Variants in SNX4 observed in about 807,000 individuals in gnomAD.
SNX4 encodes sorting nexin 4.
SNX4 carries 49 observed loss-of-function variants against 70.8 expected under a neutral mutation model. That is an observed-to-expected ratio of 0.69 (90% confidence interval 0.55 to 0.88). The LOEUF (loss-of-function observed/expected upper bound fraction) is 0.88, where lower values mean the gene tolerates loss of function less well. Among genes scored for constraint, SNX4 ranks in the 40% least tolerant of loss-of-function variants. The probability of loss-of-function intolerance (pLI) is 0.00; values close to 1 mark genes in which losing one functional copy is unlikely to be tolerated. For missense variants in SNX4, 528 were observed against 544.8 expected, an observed-to-expected ratio of 0.97 and a Z score of 0.31; for synonymous variants, 206 against 183.8, an observed-to-expected ratio of 1.12 and a Z score of -0.98.
chr3:125,461,179 T>G (rs1048682318), intron 9 of SNX4, among the ~76,000 whole-genome samples: 1 of 152,078 alleles, frequency 6.6e-6, no homozygotes, highest in African/African-American at 2.4e-5. Context: ...TGAGCCAAGA[T>G]CATACCAGTG....
Position 125,486,670 on chromosome 3 carries a change from C to T in SNX4, c.653+2738G>A, listed in dbSNP as rs572290390. ...CTTATATAATCTGGTCAGTTTACCA[C>T]CTAGATTTTGACTTAGTGGGTTTAG... On this transcript the variant is annotated intron_variant, in intron 6 of 13. Coordinates refer to ENST00000251775, the MANE Select transcript of SNX4 (RefSeq NM_003794.4). Among the ~76,000 whole-genome samples, 191 of 152,216 alleles carry T rather than the reference C, an allele frequency of 1.3e-3. 3 individuals carry two copies. Among genetic ancestry groups the T allele is most frequent in the Middle Eastern group, 3.4e-3 (1 of 294 alleles).
intron 1 of SNX4, among the ~76,000 whole-genome samples, chr3:125,510,958 G>A (rs1935158741): frequency 1.3e-5 from 2 of 152,116 alleles, no homozygotes; most frequent in African/African-American, 4.8e-5. Flanking sequence ...CGCTCTTACC[G>A]CCTAGGCTGG....
chr3:125,479,323 G>A (rs766788664), intron 7 of SNX4, among the ~76,000 whole-genome samples: 10 of 152,114 alleles, frequency 6.6e-5, no homozygotes, highest in Admixed American at 2.0e-4. Flanking sequence ...GGAGGCTGAG[G>A]TGGGCAGATC....
intron 6 of SNX4, among the ~76,000 whole-genome samples, chr3:125,488,222 T>C (rs1213320472): frequency 7.4e-6 from 1 of 134,994 alleles, no homozygotes; most frequent in Non-Finnish European, 1.6e-5. Context: ...ACACCTGTAA[T>C]CCCAGAACTT....
intron 6 of SNX4, among the ~76,000 whole-genome samples, chr3:125,488,173 A>T (rs1196805803): frequency 3.9e-5 from 3 of 77,494 alleles, no homozygotes; most frequent in African/African-American, 8.7e-5. Flanking sequence ...ATAGTCTATT[A>T]AAAAAAAAAA....
chr3:125,520,113 C>A lies in SNX4; in HGVS notation c.60G>T (p.Leu20=). ...RQLQPAPLEP[L]GSPDAGLGAA... is the part of the protein sequence containing the mutation. ...CCCCCAGCCCAGCGTCTGGGGAGCC[C>A]AGCGGCTCCAAGGGCGCCGGCTGGA... is the stretch of plus-strand genomic sequence containing the variant. The change falls in exon 1 of 14, where the codon CTG becomes CTT. Residue 20 remains leucine (L), a synonymous_variant. Coordinates refer to ENST00000251775, the MANE Select transcript of SNX4 (RefSeq NM_003794.4). The A allele has an allele frequency of 6.7e-7, 1 of 1,495,146 alleles. No individual in the cohort carries two copies. The highest frequency in any genetic ancestry group is 1.3e-5 in the South Asian group (1 of 77,306). 92.6% of individuals were successfully genotyped at this position (1,495,146 alleles called of 1,614,324 possible).
chr3:125,495,277 T>TATATATATATATATATATACATACAC lies in SNX4; in HGVS notation c.597+2063_597+2064insGTGTATGTATATATATATATATATAT. Among the ~76,000 whole-genome samples, 81 of 99,590 alleles carry TATATATATATATATATATACATACAC rather than the reference T, an allele frequency of 8.1e-4. 2 individuals carry two copies. Among genetic ancestry groups the TATATATATATATATATATACATACAC allele is most frequent in the East Asian group, 7.5e-3 (20 of 2,650 alleles). 65.3% of individuals were successfully genotyped at this position (99,590 alleles called of 152,430 possible). ...ATATATATATATATATATATATATA[T>TATATATATATATATATATACATACAC]ACACATACACACACACACACGTATG... On this transcript the variant is annotated intron_variant, in intron 5 of 13. Transcript: ENST00000251775.
intron 8 of SNX4, among the ~76,000 whole-genome samples, chr3:125,476,489 T>A (rs1263268630): frequency 1.3e-5 from 2 of 151,974 alleles, no homozygotes; most frequent in African/African-American, 2.4e-5. Context: ...GAGAATCACT[T>A]GAGCCCAGGA....
intron 5 of SNX4, 27 bp from the exon 6 acceptor site, chr3:125,489,490 T>C (rs1489261594): frequency 6.4e-7 from 1 of 1,570,534 alleles, no homozygotes; most frequent in Non-Finnish European, 8.8e-7. Flanking sequence ...GTTCACTTAA[T>C]ACAATTACAT....
intron 8 of SNX4, among the ~76,000 whole-genome samples, chr3:125,475,212 CCTA>C (rs1409907510): frequency 2.0e-5 from 3 of 152,104 alleles, no homozygotes; most frequent in African/African-American, 7.2e-5. Context: ...ATATGGATAA[CCTA>C]CTACTCTAAT....
chr3:125,495,248 C>A (rs1302205480), intron 5 of SNX4, among the ~76,000 whole-genome samples: 1 of 14,880 alleles, frequency 6.7e-5, no homozygotes, highest in Non-Finnish European at 2.1e-4. Flanking sequence ...CTCATTCTCT[C>A]TTTATATATA....
At chr3:125,500,660 G>A (rs1024582449) in intron 2 of SNX4, among the ~76,000 whole-genome samples, 2 of 151,718 alleles carry the variant, frequency 1.3e-5, no homozygotes, top group African/African-American at 4.8e-5. Context: ...AAATTACCCA[G>A]GCGTGGTGTT....
chr3:125,454,929 G>T (rs1579971995), intron 11 of SNX4, among the ~76,000 whole-genome samples: 1 of 151,898 alleles, frequency 6.6e-6, no homozygotes, highest in East Asian at 1.9e-4. Context: ...ACTTCTAACT[G>T]AATTTCTTTT....
At chr3:125,511,776 G>A (rs780913248) in intron 1 of SNX4, among the ~76,000 whole-genome samples, 2 of 152,010 alleles carry the variant, frequency 1.3e-5, no homozygotes, top group African/African-American at 2.4e-5. Flanking sequence ...AGTGTTTTAT[G>A]AAGGAGAGAT....
At chr3:125,494,264 T>A (rs1934731216) in intron 5 of SNX4, among the ~76,000 whole-genome samples, 1 of 152,076 alleles carries the variant, frequency 6.6e-6, no homozygotes, top group Non-Finnish European at 1.5e-5. Context: ...TCTGCAAATA[T>A]TAATTATATA....
Position 125,453,904 on chromosome 3 carries a change from C to T in SNX4, c.1096G>A (p.Glu366Lys). The change falls in exon 12 of 14, where the codon GAA becomes AAA. Residue 366 changes from glutamate (E) to lysine (K), a missense_variant. By Grantham distance (56) the Glu-to-Lys change is moderately conservative (BLOSUM62 1). Transcript: ENST00000251775. The part of the protein sequence containing the change: ...KGMTTKLFGQ[E>K]TPEQREARIK... ...CTGGCTTCTCTCTGCTCTGGAGTTT[C>T]TTGACCAAAGAGCTTGGTAGTCATT... The T allele has an allele frequency of 6.2e-7, 1 of 1,613,982 alleles. No homozygotes were observed. The highest frequency in any genetic ancestry group is 8.5e-7 in the Non-Finnish European group (1 of 1,179,944).
chr3:125,449,708 TAGTA>T lies in SNX4; in HGVS notation c.1305+1593_1305+1596del, dbSNP rs201996309. Reference sequence around the variant, plus strand: ...CCAACAGTATGTCCAAATACAGCTATAGTAGTATCTTTTATATTCACAGATTAAA... The same window carrying T: ...CCAACAGTATGTCCAAATACAGCTATGTATCTTTTATATTCACAGATTAAA... On this transcript the variant is annotated intron_variant, in intron 13 of 13. Transcript: ENST00000251775. Among the ~76,000 whole-genome samples, 690 of 152,332 alleles carry T rather than the reference TAGTA, an allele frequency of 4.5e-3. 12 individuals are homozygous for T. In the East Asian group the frequency reaches 0.05, roughly 11 times the overall value.
rs545506051 is a variant in SNX4, at chr3:125,447,079, T to C, written c.*700A>G. The stretch of plus-strand genomic sequence containing the variant: ...TTATTTGAGAAGAATTTAATTCTTA[T>C]ATGTAACATATTCAGTTAAAACTTT... On this transcript the variant is annotated 3_prime_UTR_variant, in exon 14 of 14. Coordinates refer to ENST00000251775, the MANE Select transcript of SNX4 (RefSeq NM_003794.4). The C allele has an allele frequency of 1.3e-5, 2 of 152,762 alleles. No individual in the cohort carries two copies. Among genetic ancestry groups the C allele is most frequent in the South Asian group, 2.1e-4 (1 of 4,832 alleles). The allele number at this position is 152,762 out of a possible 1,614,324, so 9.5% of individuals were successfully genotyped here.
chr3:125,490,971 A>G (rs1211302639), intron 5 of SNX4, among the ~76,000 whole-genome samples: 1 of 152,198 alleles, frequency 6.6e-6, no homozygotes, highest in African/African-American at 2.4e-5. Context: ...TGAATAAACA[A>G]ACAAAACAAA....
Sources: gnomAD v4.1 joint callset for allele counts (sites outside exome capture counted in the v4.1 genomes callset) on GRCh38, gnomAD v4.1.1 for gene constraint, MANE v1.5 for transcripts, NCBI Gene and HGNC (gene_info 2026-07-23, HGNC 2026-07-21) for gene names.